CSMD1: variants seen among roughly 807,000 people sequenced by gnomAD.
CSMD1 encodes the protein CUB and Sushi multiple domains 1.
Under a neutral mutation model 417.5 loss-of-function variants are expected in CSMD1, and 213 were observed. The ratio of observed to expected loss-of-function variants is 0.51; its 90% CI spans 0.46 to 0.57. The LOEUF is 0.57. Ranked by LOEUF, CSMD1 falls within the 20% of genes least tolerant of loss-of-function variation. The pLI, the probability that CSMD1 is intolerant of heterozygous loss-of-function variation, is 0.00. For synonymous variants in CSMD1, 2,862 were observed against 1,736.8 expected, an observed-to-expected ratio of 1.65 and a Z score of -16.11; for missense variants, 6,923 against 4,529.7, an observed-to-expected ratio of 1.53 and a Z score of -15.17.
intron 3 of CSMD1, among the ~76,000 whole-genome samples, chr8:4,359,132 A>G (rs971452126): frequency 6.6e-6 from 1 of 152,224 alleles, no homozygotes; most frequent in Non-Finnish European, 1.5e-5. Context: ...TTTAGAAGGC[A>G]GAGTTGTAGC....
At chr8:4,279,194 C>G (rs1181074341) in intron 3 of CSMD1, among the ~76,000 whole-genome samples, 4 of 151,612 alleles carry the variant, frequency 2.6e-5, no homozygotes, top group Admixed American at 2.6e-4. Flanking sequence ...TCTGTAAACG[C>G]AGTATACACA....
At chr8:3,890,873 G>A (rs973459084) in intron 5 of CSMD1, among the ~76,000 whole-genome samples, 1 of 152,116 alleles carries the variant, frequency 6.6e-6, no homozygotes, top group South Asian at 2.1e-4. Flanking sequence ...GAGGATGAAA[G>A]AGCAAGATTT....
intron 1 of CSMD1, among the ~76,000 whole-genome samples, chr8:4,950,664 G>A (rs548697714): frequency 5.9e-5 from 9 of 152,064 alleles, no homozygotes; most frequent in African/African-American, 1.2e-4. Flanking sequence ...AAGGATTTCC[G>A]GAAAAAGAAT....
intron 1 of CSMD1, among the ~76,000 whole-genome samples, chr8:4,974,280 C>A (rs1460656318): frequency 6.6e-6 from 1 of 152,060 alleles, no homozygotes; most frequent in Non-Finnish European, 1.5e-5. Flanking sequence ...CCTGTCTCCA[C>A]CTCCCAAAGT....
chr8:4,121,266 C>G (rs764774841), intron 3 of CSMD1, among the ~76,000 whole-genome samples: 16 of 152,060 alleles, frequency 1.1e-4, no homozygotes, highest in Non-Finnish European at 1.9e-4. Context: ...AGGCACCTGA[C>G]ACCACACCCA....
At chr8:4,544,451 C>A (rs749007194) in intron 2 of CSMD1, among the ~76,000 whole-genome samples, 1 of 151,968 alleles carries the variant, frequency 6.6e-6, no homozygotes, top group East Asian at 1.9e-4. Flanking sequence ...ATGTAGTTTA[C>A]TCTTTCCTTG....
intron 2 of CSMD1, among the ~76,000 whole-genome samples, chr8:4,577,751 C>G (rs2725061): frequency 6.6e-6 from 1 of 152,078 alleles, no homozygotes; most frequent in Admixed American, 6.5e-5. Flanking sequence ...TGTTTGATTA[C>G]TTTATCTGCC....
chr8:3,111,809 G>A (rs112763466), intron 42 of CSMD1, among the ~76,000 whole-genome samples: 5 of 152,170 alleles, frequency 3.3e-5, no homozygotes, highest in African/African-American at 1.2e-4. Context: ...TCCAGCATGG[G>A]TGACAGAGTC....
chr8:4,184,411 A>G (rs2131188271), intron 3 of CSMD1, among the ~76,000 whole-genome samples: 1 of 152,272 alleles, frequency 6.6e-6, no homozygotes, highest in African/African-American at 2.4e-5. Flanking sequence ...GGAGCATATG[A>G]GGATGTTCCT....
At chr8:3,274,711 T>C (rs1282659089) in intron 26 of CSMD1, among the ~76,000 whole-genome samples, 1 of 152,186 alleles carries the variant, frequency 6.6e-6, no homozygotes, top group Non-Finnish European at 1.5e-5. Flanking sequence ...TTGATCTTTG[T>C]TGGTTTAAAG....
At chr8:3,955,096 C>T (rs759571330) in intron 5 of CSMD1, among the ~76,000 whole-genome samples, 9 of 152,134 alleles carry the variant, frequency 5.9e-5, no homozygotes, top group Non-Finnish European at 8.8e-5. Context: ...CTAGTGGGTG[C>T]GGGAAAGCCG....
intron 2 of CSMD1, among the ~76,000 whole-genome samples, chr8:4,504,432 T>G (rs1422224394): frequency 1.3e-5 from 2 of 152,214 alleles, no homozygotes; most frequent in Non-Finnish European, 2.9e-5. Flanking sequence ...CAATAGTGGG[T>G]TGTACACTTA....
At chr8:4,463,331 G>C (rs932456169) in intron 2 of CSMD1, among the ~76,000 whole-genome samples, 10 of 152,238 alleles carry the variant, frequency 6.6e-5, no homozygotes, top group African/African-American at 2.2e-4. Flanking sequence ...CCCTATGGCT[G>C]GTGAGAATAT....
At chr8:4,045,464 G>C (rs942745856) in intron 3 of CSMD1, among the ~76,000 whole-genome samples, 15 of 152,206 alleles carry the variant, frequency 9.9e-5, no homozygotes, top group African/African-American at 3.1e-4. Flanking sequence ...AGGGCCACTG[G>C]TGCTGGGGTC....
chr8:3,820,118 T>C (rs777333493), intron 5 of CSMD1, among the ~76,000 whole-genome samples: 152 of 152,308 alleles, frequency 1.0e-3, no homozygotes, highest in Non-Finnish European at 1.7e-3. Flanking sequence ...ACTGCTTGAA[T>C]GCAGTATGAT....
At chr8:4,745,357 C>G (rs868686793) in intron 1 of CSMD1, among the ~76,000 whole-genome samples, 2 of 152,080 alleles carry the variant, frequency 1.3e-5, no homozygotes, top group South Asian at 4.1e-4. Flanking sequence ...AGTTTAGTTA[C>G]AAATGATTTA....
rs779618225 is a variant in CSMD1, at chr8:3,359,217, G to C, written c.3239C>G (p.Ala1080Gly). The change falls in exon 21 of 70, where the codon GCC becomes GGC. Residue 1080 changes from alanine to glycine, a missense_variant. By Grantham distance (60) the Ala-to-Gly change is moderately conservative. Coordinates refer to ENST00000635120, the MANE Select transcript of CSMD1 (RefSeq NM_033225.6). ...SCFLGYRLEGATKLTCLGGGR... is the reference protein window; with the variant it reads ...SCFLGYRLEGGTKLTCLGGGR... Reference sequence around the variant, plus strand: ...CCCACCCAGGCAGGTAAGCTTGGTGGCACCTTCTAAACGATATCCCAGGAA... The same window carrying C: ...CCCACCCAGGCAGGTAAGCTTGGTGCCACCTTCTAAACGATATCCCAGGAA... 1 of 1,613,884 alleles carries C rather than the reference G, an allele frequency of 6.2e-7. No individual in the cohort carries two copies. Among genetic ancestry groups the C allele is most frequent in the South Asian group, 1.1e-5 (1 of 91,078 alleles).
chr8:4,754,834 G>C (rs935382133), intron 1 of CSMD1, among the ~76,000 whole-genome samples: 1 of 151,916 alleles, frequency 6.6e-6, no homozygotes, highest in African/African-American at 2.4e-5. Context: ...GGGTGACGGA[G>C]CAAGACTTAA....
intron 3 of CSMD1, among the ~76,000 whole-genome samples, chr8:4,395,613 T>C (rs533381913): frequency 1.1e-4 from 17 of 152,112 alleles, no homozygotes; most frequent in East Asian, 5.8e-4. Flanking sequence ...ATTATTAATA[T>C]TGCCCCCATT....
Sources: gnomAD v4.1 joint callset for allele counts (sites outside exome capture counted in the v4.1 genomes callset) on GRCh38, gnomAD v4.1.1 for gene constraint, MANE v1.5 for transcripts, NCBI Gene and HGNC (gene_info 2026-07-23, HGNC 2026-07-21) for gene names.